Variants in P3H2 observed in about 807,000 individuals in gnomAD.
The protein encoded by P3H2 is prolyl 3-hydroxylase 2.
In P3H2, 80 loss-of-function variants were observed where a neutral mutation model predicts 87.0. The ratio of observed to expected loss-of-function variants is 0.92; its 90% CI spans 0.77 to 1.11. P3H2 has a LOEUF of 1.11. P3H2 is among the 50% of genes least tolerant of loss of function. The pLI, the probability that P3H2 is intolerant of heterozygous loss-of-function variation, is 0.00. For missense variants in P3H2, 1,001 were observed against 923.9 expected (o/e 1.08, Z -1.08); for synonymous variants, 367 against 359.3 (o/e 1.02, Z -0.24).
At chr3:190,026,590 C>A (rs1725093242) in intron 1 of P3H2, among the ~76,000 whole-genome samples, 1 of 152,170 alleles carries the variant, frequency 6.6e-6, no homozygotes, top group African/African-American at 2.4e-5. Context: ...GAATAATCCA[C>A]CCCTTGTTTA....
Position 190,007,986 on chromosome 3 carries a change from A to ATATATG in P3H2, c.481-12545_481-12544insCATATA, listed in dbSNP as rs1560359925. On this transcript the variant is annotated intron_variant, in intron 1 of 14. Transcript: ENST00000319332. Reference sequence around the variant, plus strand: ...CACACATATATATATATATATATATAGTAAACTTCAGTAACGTTGATGAAT... The same window carrying ATATATG: ...CACACATATATATATATATATATATATATATGGTAAACTTCAGTAACGTTGATGAAT... 1.4e-3 allele frequency among the ~76,000 whole-genome samples: 203 copies of ATATATG among 141,620 alleles called. 10 individuals are homozygous for ATATATG. The highest frequency in any genetic ancestry group is 5.2e-3 in the African/African-American group (195 of 37,488). 92.9% of individuals were successfully genotyped at this position (141,620 alleles called of 152,430 possible). A position where few individuals can be genotyped will look rare whatever the true frequency, so the allele number is the denominator to read the frequency against.
chr3:190,046,925 G>A (rs888756785), intron 1 of P3H2, among the ~76,000 whole-genome samples: 1 of 152,034 alleles, frequency 6.6e-6, no homozygotes, highest in East Asian at 1.9e-4. Flanking sequence ...GTACAGCAAA[G>A]GAAACAATCA....
At chr3:190,050,475 T>C (rs73186404) in intron 1 of P3H2, among the ~76,000 whole-genome samples, 1 of 152,322 alleles carries the variant, frequency 6.6e-6, no homozygotes, top group Non-Finnish European at 1.5e-5. Context: ...TCTCTAGAAG[T>C]ATCTATGCTT....
At chr3:190,049,966 A>C (rs1725927226) in intron 1 of P3H2, among the ~76,000 whole-genome samples, 1 of 152,198 alleles carries the variant, frequency 6.6e-6, no homozygotes, top group African/African-American at 2.4e-5. Context: ...CACATTGTAA[A>C]TATTCAAGAG....
intron 1 of P3H2, among the ~76,000 whole-genome samples, chr3:190,028,297 TC>T (rs1466127016): frequency 6.6e-6 from 1 of 152,192 alleles, no homozygotes; most frequent in Non-Finnish European, 1.5e-5. Context: ...TGGCCTCTCA[TC>T]CAGCATAGTG....
chr3:189,983,386 T>A, intron 7 of P3H2: 2 of 511,584 alleles, frequency 3.9e-6, no homozygotes, highest in Non-Finnish European at 7.0e-6. Flanking sequence ...ATTGTATGCA[T>A]AACATAACTC....
chr3:190,107,056 A>G (rs1711866000), intron 1 of P3H2, among the ~76,000 whole-genome samples: 1 of 152,168 alleles, frequency 6.6e-6, no homozygotes, highest in Non-Finnish European at 1.5e-5. Context: ...AGGAAATGTC[A>G]TTTTGCTATT....
chr3:190,084,232 A>C (rs1727141766), intron 1 of P3H2, among the ~76,000 whole-genome samples: 2 of 152,234 alleles, frequency 1.3e-5, no homozygotes, highest in African/African-American at 4.8e-5. Context: ...CTTCCTTTAC[A>C]CTATGCCAAA....
At chr3:190,104,194 C>G (rs1711741397) in intron 1 of P3H2, among the ~76,000 whole-genome samples, 2 of 152,130 alleles carry the variant, frequency 1.3e-5, no homozygotes, top group African/African-American at 4.8e-5. Context: ...ATTCAAAGAT[C>G]ATTTAGAAAG....
Position 189,978,890 on chromosome 3 carries a change from C to A in P3H2, c.1324+4156G>T, listed in dbSNP as rs112512142. Among the ~76,000 whole-genome samples the A allele has an allele frequency of 1.5e-3, 222 of 152,230 alleles. 1 individual carries two copies. Among genetic ancestry groups the A allele is most frequent in the African/African-American group, 5.1e-3 (213 of 41,524 alleles). Reference sequence around the variant, plus strand: ...TTGATGGCTTCAGCCAATTCTTAACCACAGCCCAAGAAGATTTAGTCAAAC... The same window carrying A: ...TTGATGGCTTCAGCCAATTCTTAACAACAGCCCAAGAAGATTTAGTCAAAC... On this transcript the variant is annotated intron_variant, in intron 8 of 14. Coordinates refer to ENST00000319332, the MANE Select transcript of P3H2 (RefSeq NM_018192.4).
In P3H2 at chr3:189,964,027, C is replaced by T; in HGVS notation, c.1965G>A (p.Lys655=). 2 of 1,614,118 alleles carry T rather than the reference C, an allele frequency of 1.2e-6. No homozygotes were observed. The highest frequency in any genetic ancestry group is 8.5e-7 in the Non-Finnish European group (1 of 1,179,940). ...CACACCTCTTTCCCTTGGTGACTGC[C>T]TTCACCCCATGAGGGTTCTCTCCTC... ...SSGGENPHGV[K]AVTKGKRCAV... The change falls in exon 14 of 15, where the codon AAG becomes AAA. Residue 655 remains lysine, a synonymous_variant. Transcript: ENST00000319332.
chr3:190,039,528 CGTTGA>C (rs1450591138), intron 1 of P3H2, among the ~76,000 whole-genome samples: 15 of 152,110 alleles, frequency 9.9e-5, no homozygotes, highest in African/African-American at 3.4e-4. Context: ...ATTGCAAAAC[CGTTGA>C]ACCTTTTATT....
intron 1 of P3H2, among the ~76,000 whole-genome samples, chr3:190,109,095 C>T (rs1421854718): frequency 2.0e-5 from 3 of 152,160 alleles, no homozygotes; most frequent in Non-Finnish European, 4.4e-5. Flanking sequence ...TGGGAAACAT[C>T]CTAGTTTTCT....
intron 13 of P3H2, among the ~76,000 whole-genome samples, chr3:189,964,826 G>A (rs150541784): frequency 1.1e-3 from 171 of 152,336 alleles, no homozygotes; most frequent in African/African-American, 3.9e-3. Flanking sequence ...GCTGTCCACA[G>A]CGTTTAGGTA....
At chr3:189,961,999 T>A (rs752474995) in intron 14 of P3H2, among the ~76,000 whole-genome samples, 36 of 150,660 alleles carry the variant, frequency 2.4e-4, no homozygotes, top group Admixed American at 4.0e-4. Context: ...TTCCTTAGTT[T>A]AAAAAAAAAT....
intron 1 of P3H2, among the ~76,000 whole-genome samples, chr3:190,070,650 A>T (rs1213999872): frequency 1.3e-5 from 2 of 152,168 alleles, no homozygotes; most frequent in Non-Finnish European, 2.9e-5. Context: ...TATGTAGCCA[A>T]TTCCCCTTCT....
intron 1 of P3H2, among the ~76,000 whole-genome samples, chr3:190,056,061 T>C (rs745497742): frequency 1.3e-4 from 20 of 152,012 alleles, no homozygotes; most frequent in Non-Finnish European, 2.5e-4. Context: ...CATGATAAGA[T>C]TAGTAGTATC....
chr3:190,101,154 T>C (rs1020224469), intron 1 of P3H2, among the ~76,000 whole-genome samples: 27 of 151,956 alleles, frequency 1.8e-4, no homozygotes, highest in African/African-American at 6.5e-4. Flanking sequence ...TCTCTCTCCC[T>C]GTCCTCAGGC....
rs576489796 is a variant in P3H2, at chr3:189,962,659, A to G, written c.2034+1299T>C. On this transcript the variant is annotated intron_variant, in intron 14 of 14. Coordinates refer to ENST00000319332, the MANE Select transcript of P3H2 (RefSeq NM_018192.4). ...GTTCACCCTTCTACCCCTAGGGCCTATCTAGCAGAGTTTCCAAGGCAGATA... is the reference window on the plus strand; with the variant it reads ...GTTCACCCTTCTACCCCTAGGGCCTGTCTAGCAGAGTTTCCAAGGCAGATA... 8.5e-5 allele frequency among the ~76,000 whole-genome samples: 13 copies of G among 152,304 alleles called. 1 individual carries two copies. The South Asian group carries it at 2.7e-3, about 32-fold the overall frequency.
Sources: allele counts gnomAD v4.1 joint callset (sites outside exome capture counted in the v4.1 genomes callset), GRCh38; gene constraint gnomAD v4.1.1; transcripts MANE v1.5; gene names NCBI Gene and HGNC (gene_info 2026-07-23, HGNC 2026-07-21).